Variants in SEMA3D observed in about 807,000 individuals in gnomAD.
The protein encoded by SEMA3D is semaphorin-3D.
A neutral mutation model predicts 100.1 loss-of-function variants in SEMA3D; 84 were observed. The ratio of observed to expected loss-of-function variants is 0.84; its 90% confidence interval spans 0.70 to 1.01. The LOEUF (loss-of-function observed/expected upper bound fraction) is 1.01. Among genes scored for constraint, SEMA3D ranks in the 50% least tolerant of loss-of-function variants. SEMA3D has a pLI of 0.00. For synonymous variants in SEMA3D, 312 were observed against 320.7 expected, an observed-to-expected ratio of 0.97 and a Z score of 0.29; for missense variants, 875 against 934.1, an observed-to-expected ratio of 0.94 and a Z score of 0.82.
At chr7:85,235,481 C>T in the SEMA3D span, among the ~76,000 whole-genome samples, 1 of 152,050 alleles carries the variant, frequency 6.6e-6, no homozygotes, top group African/African-American at 2.4e-5. Context: ...TAAGTCTTAT[C>T]AACTGAATTA....
chr7:85,202,493 A>G, the SEMA3D span, among the ~76,000 whole-genome samples: 2 of 152,040 alleles, frequency 1.3e-5, no homozygotes, highest in Non-Finnish European at 2.9e-5. Flanking sequence ...AGTCTTTGCT[A>G]TCGTGAATAA....
chr7:85,086,614 TTC>T (rs147676385), intron 4 of SEMA3D, among the ~76,000 whole-genome samples: 5 of 148,094 alleles, frequency 3.4e-5, no homozygotes, highest in Non-Finnish European at 4.5e-5. Flanking sequence ...TCTAGTCTCT[TTC>T]TCTCTCTCTC....
chr7:85,132,997 A>G (rs189009133), intron 2 of SEMA3D, among the ~76,000 whole-genome samples: 5 of 152,140 alleles, frequency 3.3e-5, no homozygotes, highest in Admixed American at 1.3e-4. Flanking sequence ...CGCAATATGT[A>G]TAGAATGAGT....
At chr7:85,227,478 A>G in the SEMA3D span, among the ~76,000 whole-genome samples, 1 of 152,130 alleles carries the variant, frequency 6.6e-6, no homozygotes, top group African/African-American at 2.4e-5. Flanking sequence ...ACCAGGAAAC[A>G]GGCCCTCACT....
intron 2 of SEMA3D, among the ~76,000 whole-genome samples, chr7:85,139,637 C>A (rs1789984256): frequency 6.6e-6 from 1 of 151,842 alleles, no homozygotes; most frequent in African/African-American, 2.4e-5. Flanking sequence ...TTAATCTAAC[C>A]TAAGATGTCA....
chr7:85,202,136 C>T, the SEMA3D span, among the ~76,000 whole-genome samples: 1 of 150,860 alleles, frequency 6.6e-6, no homozygotes, highest in African/African-American at 2.4e-5. Context: ...TATACATGTG[C>T]CATGCTGGTG....
intron 4 of SEMA3D, among the ~76,000 whole-genome samples, chr7:85,083,846 C>CAA (rs1302315425): frequency 9.7e-6 from 1 of 102,572 alleles, no homozygotes; most frequent in Non-Finnish European, 1.9e-5. Context: ...GACTCCGTCT[C>CAA]AAAAAAAAAA....
upstream of SEMA3D, among the ~76,000 whole-genome samples, chr7:85,191,719 A>G (rs1791697543): frequency 6.6e-6 from 1 of 152,146 alleles, no homozygotes; most frequent in South Asian, 2.1e-4. Flanking sequence ...AGACAGCAGG[A>G]AGGCATTCCA....
At chr7:85,157,509 T>G (rs1364586576) in intron 1 of SEMA3D, 1 of 183,876 alleles carries the variant, frequency 5.4e-6, no homozygotes, top group African/African-American at 2.4e-5. Flanking sequence ...TTATGTATAC[T>G]GTCTAAAATG....
chr7:85,188,110 C>T (rs1791613597), upstream of SEMA3D, among the ~76,000 whole-genome samples: 1 of 152,144 alleles, frequency 6.6e-6, no homozygotes, highest in Non-Finnish European at 1.5e-5. Flanking sequence ...GGTGAACAGA[C>T]AAATGCAGTA....
chr7:85,000,347 G>T (rs752883471), intron 18 of SEMA3D, among the ~76,000 whole-genome samples: 2 of 152,130 alleles, frequency 1.3e-5, no homozygotes, highest in African/African-American at 2.4e-5. Flanking sequence ...CTATAATGTA[G>T]AATAGAACAA....
intron 9 of SEMA3D, among the ~76,000 whole-genome samples, chr7:85,051,553 A>C (rs978842965): frequency 1.6e-4 from 24 of 151,784 alleles, no homozygotes; most frequent in African/African-American, 5.3e-4. Flanking sequence ...TTGCCCTTTG[A>C]TCTTGCACTA....
intron 18 of SEMA3D, among the ~76,000 whole-genome samples, chr7:85,000,268 C>A (rs1229447333): frequency 6.6e-6 from 1 of 152,008 alleles, no homozygotes; most frequent in African/African-American, 2.4e-5. Flanking sequence ...AAATGTGGAG[C>A]AAGAATGCAA....
chr7:85,023,739 T>C (rs751413434), intron 12 of SEMA3D, among the ~76,000 whole-genome samples: 7 of 151,950 alleles, frequency 4.6e-5, no homozygotes, highest in Non-Finnish European at 1.0e-4. Context: ...GAGCTGAAGA[T>C]ACTAGAACTA....
At chr7:85,097,020 A>G (rs2116310846) in intron 4 of SEMA3D, among the ~76,000 whole-genome samples, 1 of 151,966 alleles carries the variant, frequency 6.6e-6, no homozygotes. Context: ...AAGATGCAGA[A>G]GAGATCTGAT....
intron 3 of SEMA3D, among the ~76,000 whole-genome samples, chr7:85,107,775 T>C (rs1399985630): frequency 6.6e-6 from 1 of 152,038 alleles, no homozygotes; most frequent in African/African-American, 2.4e-5. Flanking sequence ...TCACACAACA[T>C]CCAGCTAAAT....
intron 5 of SEMA3D, among the ~76,000 whole-genome samples, chr7:85,076,380 CTAAA>C (rs1386864667): frequency 1.3e-5 from 2 of 152,022 alleles, no homozygotes; most frequent in South Asian, 2.1e-4. Context: ...ATATAAATAA[CTAAA>C]TAGACAAGTA....
chr7:85,193,909 C>G, the SEMA3D span, among the ~76,000 whole-genome samples: 1 of 149,126 alleles, frequency 6.7e-6, no homozygotes, highest in Non-Finnish European at 1.5e-5. Context: ...AGAGACAGAG[C>G]AAGCATCAGA....
Position 84,999,402 on chromosome 7 carries a change from A to T in SEMA3D, c.*38T>A. The T allele has an allele frequency of 6.5e-7, 1 of 1,533,374 alleles. No homozygotes were observed. Among genetic ancestry groups the T allele is most frequent in the Non-Finnish European group, 9.0e-7 (1 of 1,114,774 alleles). 95.0% of individuals were successfully genotyped at this position (1,533,374 alleles called of 1,614,324 possible). ...ATACAAAACAGAAGGCAATGTTTTT[A>T]TAGGTAAGGAATTCTTTTCTTTAAA... On this transcript the variant is annotated 3_prime_UTR_variant, in exon 19 of 19. Transcript: ENST00000284136.
Sources: gnomAD v4.1 joint callset for allele counts (sites outside exome capture counted in the v4.1 genomes callset) on GRCh38, gnomAD v4.1.1 for gene constraint, MANE v1.5 for transcripts, NCBI Gene and HGNC (gene_info 2026-07-23, HGNC 2026-07-21) for gene names.